The following IL1RAPL2 variants were observed in gnomAD, a reference collection of about 807,000 sequenced individuals.
The protein encoded by IL1RAPL2 is interleukin 1 receptor accessory protein like 2.
IL1RAPL2 carries 3 observed loss-of-function variants against 44.1 expected under a neutral mutation model. The ratio of observed to expected loss-of-function variants is 0.07; its 90% confidence interval spans 0.03 to 0.18. The LOEUF is 0.18. IL1RAPL2 is among the 10% of genes least tolerant of loss of function. The probability of loss-of-function intolerance (pLI) is 1.00; values close to 1 mark genes in which losing one functional copy is unlikely to be tolerated. For missense variants in IL1RAPL2, 391 were observed against 496.4 expected, an observed-to-expected ratio of 0.79 and a Z score of 2.02; for synonymous variants, 181 against 178.8, an observed-to-expected ratio of 1.01 and a Z score of -0.10.
At chrX:105,670,732 A>T (rs112963314) in intron 6 of IL1RAPL2, among the ~76,000 whole-genome samples, 19 of 109,765 alleles carry the variant, frequency 1.7e-4, no homozygotes, top group Non-Finnish European at 3.0e-4. Flanking sequence ...CACTGTGTCT[A>T]TTTATTTAGA....
At chrX:104,787,155 C>T (rs1932803648) in intron 2 of IL1RAPL2, among the ~76,000 whole-genome samples, 1 of 110,926 alleles carries the variant, frequency 9.0e-6, no homozygotes, top group Non-Finnish European at 1.9e-5. Context: ...AAGTTCTGCC[C>T]CTCTTGGATT....
chrX:105,679,999 C>CTT (rs2051502509), intron 6 of IL1RAPL2, among the ~76,000 whole-genome samples: 1 of 110,841 alleles, frequency 9.0e-6, no homozygotes, highest in Non-Finnish European at 1.9e-5. Flanking sequence ...GAATTTCTTT[C>CTT]TTTCTTTTTT....
rs1374134422 is a variant in IL1RAPL2, at chrX:104,828,797, C to T, written c.82+169802C>T. ...TTTATCTATAAGCCCCTGACTGGGG[C>T]TGTTGCCTTTCTTTCAGAGATGCCC... On this transcript the variant is annotated intron_variant, in intron 2 of 10. Transcript: ENST00000372582. 2.7e-5 allele frequency among the ~76,000 whole-genome samples: 3 copies of T among 112,863 alleles called. No individual in the cohort carries two copies. The East Asian group carries it at 8.4e-4, about 32-fold the overall frequency.
intron 2 of IL1RAPL2, among the ~76,000 whole-genome samples, chrX:104,788,889 T>G (rs1456520586): frequency 3.6e-5 from 4 of 112,122 alleles, no homozygotes; most frequent in Non-Finnish European, 7.5e-5. Context: ...TTCTTAGTGT[T>G]GTGCCCCATT....
rs149501529 is a variant in IL1RAPL2 at position 104,756,042 on chromosome X, T to C, written c.82+97047T>C. ...GCAAGAGTCATGTGAAAGTGACAGG[T>C]TGTTGTTCAAACTAAATCTTACCTC... is the stretch of plus-strand genomic sequence containing the variant. On this transcript the variant is annotated intron_variant, in intron 2 of 10. Coordinates refer to ENST00000372582, the MANE Select transcript of IL1RAPL2 (RefSeq NM_017416.2). 1.7e-4 allele frequency among the ~76,000 whole-genome samples: 19 copies of C among 111,380 alleles called. No homozygotes were observed. The South Asian group carries it at 5.9e-3, about 35-fold the overall frequency.
chrX:104,711,716 C>T (rs1931460872), intron 2 of IL1RAPL2, among the ~76,000 whole-genome samples: 1 of 110,034 alleles, frequency 9.1e-6, no homozygotes, highest in African/African-American at 3.3e-5. Context: ...GGTAAATATT[C>T]TGTATTCCAA....
intron 6 of IL1RAPL2, chrX:105,676,098 C>G (rs1315207083): frequency 9.0e-6 from 1 of 111,264 alleles, no homozygotes; most frequent in Non-Finnish European, 1.9e-5. Context: ...CATGAATTTG[C>G]GTGACATCCT....
intron 1 of IL1RAPL2, among the ~76,000 whole-genome samples, chrX:104,592,799 GTCT>G (rs1467623430): frequency 8.9e-6 from 1 of 112,111 alleles, no homozygotes; most frequent in African/African-American, 3.2e-5. Context: ...CATTTTGGAA[GTCT>G]TCTTAAGCAT....
intron 2 of IL1RAPL2, among the ~76,000 whole-genome samples, chrX:104,878,062 C>G (rs1406364380): frequency 8.9e-6 from 1 of 111,800 alleles, no homozygotes; most frequent in Non-Finnish European, 1.9e-5. Flanking sequence ...ACTTCCCTTA[C>G]TGATACTTCA....
At chrX:105,443,058 A>C (rs1905228343) in intron 5 of IL1RAPL2, among the ~76,000 whole-genome samples, 1 of 112,050 alleles carries the variant, frequency 8.9e-6, no homozygotes, top group African/African-American at 3.2e-5. Context: ...CCTGGGCAAC[A>C]GAGCAAGACT....
intron 6 of IL1RAPL2, among the ~76,000 whole-genome samples, chrX:105,644,107 G>A (rs1263235973): frequency 3.0e-4 from 33 of 111,257 alleles, no homozygotes; most frequent in Non-Finnish European, 3.8e-5. Context: ...TAGCCAGGAT[G>A]GTCTCGATCT....
At chrX:105,031,813 G>A (rs889296904) in intron 2 of IL1RAPL2, among the ~76,000 whole-genome samples, 2 of 110,074 alleles carry the variant, frequency 1.8e-5, no homozygotes, top group Non-Finnish European at 3.8e-5. Flanking sequence ...AGTTTCAGAA[G>A]GAAACTCTTC....
intron 5 of IL1RAPL2, among the ~76,000 whole-genome samples, chrX:105,459,747 T>C (rs1173765035): frequency 8.9e-6 from 1 of 112,029 alleles, no homozygotes; most frequent in Non-Finnish European, 1.9e-5. Flanking sequence ...ATGTTTTCTG[T>C]TCAAAAATAA....
chrX:105,465,194 A>G (rs1409416880), intron 5 of IL1RAPL2, among the ~76,000 whole-genome samples: 1 of 112,293 alleles, frequency 8.9e-6, no homozygotes, highest in Non-Finnish European at 1.9e-5. Flanking sequence ...ACTAATCCAT[A>G]GTCTAATTCC....
At chrX:105,330,637 A>G (rs756577160) in intron 5 of IL1RAPL2, among the ~76,000 whole-genome samples, 1 of 111,606 alleles carries the variant, frequency 9.0e-6, no homozygotes, top group Non-Finnish European at 1.9e-5. Context: ...CCATCTACCT[A>G]TACATCCAAG....
At chrX:105,200,960 T>G (rs1556145842) in intron 3 of IL1RAPL2, among the ~76,000 whole-genome samples, 1 of 110,760 alleles carries the variant, frequency 9.0e-6, no homozygotes, top group African/African-American at 3.3e-5. Flanking sequence ...TAATTGAACA[T>G]CTGTAAAAAC....
intron 10 of IL1RAPL2, among the ~76,000 whole-genome samples, chrX:105,764,248 A>ATAAG (rs2038710918): frequency 9.0e-6 from 1 of 111,580 alleles, no homozygotes; most frequent in Non-Finnish European, 1.9e-5. Flanking sequence ...ATTCTGTCTA[A>ATAAG]TAAGTCTCTA....
chrX:104,964,385 C>T (rs983005062), intron 2 of IL1RAPL2, among the ~76,000 whole-genome samples: 8 of 106,591 alleles, frequency 7.5e-5, no homozygotes, highest in African/African-American at 2.8e-4. Flanking sequence ...GATCTCGGCT[C>T]ACTGCAAGCT....
intron 2 of IL1RAPL2, among the ~76,000 whole-genome samples, chrX:104,797,501 A>G (rs767784385): frequency 8.9e-6 from 1 of 111,793 alleles, no homozygotes; most frequent in Non-Finnish European, 1.9e-5. Flanking sequence ...CCTCTAGGAA[A>G]TGTGTTGTGC....
Sources: gnomAD v4.1 joint callset for allele counts (sites outside exome capture counted in the v4.1 genomes callset) on GRCh38, gnomAD v4.1.1 for gene constraint, MANE v1.5 for transcripts, NCBI Gene and HGNC (gene_info 2026-07-23, HGNC 2026-07-21) for gene names.